Variants in MROH2B observed in about 807,000 individuals in gnomAD.
MROH2B encodes the protein maestro heat like repeat family member 2B.
In MROH2B, 177 loss-of-function variants were observed where a neutral mutation model predicts 208.6. The ratio of observed to expected loss-of-function variants is 0.85; its 90% CI spans 0.75 to 0.96. The LOEUF is 0.96. Ranked by LOEUF, MROH2B falls within the 40% of genes least tolerant of loss-of-function variation. The pLI is 0.00. For synonymous variants in MROH2B, 728 were observed against 659.0 expected, an observed-to-expected ratio of 1.10 and a Z score of -1.60; for missense variants, 2,002 against 1,878.7, an observed-to-expected ratio of 1.07 and a Z score of -1.21.
chr5:41,026,407 G>C (rs1173050881), intron 24 of MROH2B, among the ~76,000 whole-genome samples: 1 of 152,072 alleles, frequency 6.6e-6, no homozygotes, highest in East Asian at 1.9e-4. Context: ...CAAACACAGA[G>C]CCAAATCATG....
rs150953095 is a variant in MROH2B at position 41,050,304 on chromosome 5, T to C, written c.1344+673A>G. Among the ~76,000 whole-genome samples, 201 of 152,332 alleles carry C rather than the reference T, an allele frequency of 1.3e-3. 1 individual carries two copies. Among genetic ancestry groups the C allele is most frequent in the Non-Finnish European group, 2.2e-3 (149 of 68,030 alleles). On this transcript the variant is annotated intron_variant, in intron 13 of 41. Transcript: ENST00000399564. ...AGGGTTGGACCCTAGATTATTTTTT[T>C]CATCATTCACTTCTATATCAGAAGG...
In MROH2B at chr5:40,998,604, G is replaced by C. The variant is rs1332258138; in HGVS notation, c.4651+8C>G. On this transcript the variant is annotated splice_region_variant and intron_variant, in intron 41 of 41. Transcript: ENST00000399564. ...AATATGCTGGGAAGAAACTAGGTTG[G>C]TACTCACGTGTGGTCAGTTGTTCTC... 6.3e-7 allele frequency: 1 copy of C among 1,588,930 alleles called. No homozygotes were observed. The highest frequency in any genetic ancestry group is 8.6e-7 in the Non-Finnish European group (1 of 1,165,208).
chr5:41,012,351 G>A (rs1741798956), intron 30 of MROH2B, among the ~76,000 whole-genome samples: 1 of 152,174 alleles, frequency 6.6e-6, no homozygotes, highest in Admixed American at 6.6e-5. Flanking sequence ...CCTCTAGCCA[G>A]AAAGAGACAG....
Position 41,015,532 on chromosome 5 carries a change from G to A in MROH2B, c.2885-54C>T. On this transcript the variant is annotated intron_variant, in intron 28 of 41. Coordinates refer to ENST00000399564, the MANE Select transcript of MROH2B (RefSeq NM_173489.5). ...AGTGTTCAAAGACCTGATAGGGGTT[G>A]AAGAGGCTGGCTATATTTTGATATG... 3 of 1,507,594 alleles carry A rather than the reference G, an allele frequency of 2.0e-6. No homozygotes were observed. The South Asian group carries it at 3.5e-5, about 18-fold the overall frequency. 93.4% of individuals were successfully genotyped at this position (1,507,594 alleles called of 1,614,324 possible). A position where few individuals can be genotyped will look rare whatever the true frequency, so the allele number is the denominator to read the frequency against.
chr5:41,029,828 T>A (rs1742504989), intron 24 of MROH2B, among the ~76,000 whole-genome samples: 1 of 151,490 alleles, frequency 6.6e-6, no homozygotes, highest in Admixed American at 6.6e-5. Flanking sequence ...GAGTGAGGAG[T>A]AAGGGTGAAA....
In MROH2B at chr5:41,051,014, A is replaced by G; in HGVS notation, c.1307T>C (p.Leu436Ser). The G allele has an allele frequency of 6.4e-7, 1 of 1,566,968 alleles. No individual in the cohort carries two copies. Among genetic ancestry groups the G allele is most frequent in the Non-Finnish European group, 8.6e-7 (1 of 1,162,422 alleles). Residue 436 changes from leucine (L) to serine (S), a missense_variant, in exon 13 of 42, where the codon TTA becomes TCA. Physicochemically the swap from Leu to Ser is moderately radical, Grantham distance 145 (BLOSUM62 -2). Transcript: ENST00000399564. ...ESVRETSLEV[L>S]KTLDPLVIGM... ...AATGACCAGTGGGTCCAGGGTTTTTAAGACCTCAAGGCTTGTTTCTCGGAC... is the reference window on the plus strand; with the variant it reads ...AATGACCAGTGGGTCCAGGGTTTTTGAGACCTCAAGGCTTGTTTCTCGGAC...
At chr5:41,030,662 G>T (rs325823) in intron 24 of MROH2B, among the ~76,000 whole-genome samples, 12 of 151,890 alleles carry the variant, frequency 7.9e-5, no homozygotes, top group South Asian at 4.1e-4. Context: ...GCCCACATAG[G>T]GAAAGCAATA....
intron 13 of MROH2B, 56 bp from the exon 14 acceptor site, chr5:41,049,492 C>A (rs1743223576): frequency 1.3e-6 from 2 of 1,531,618 alleles, no homozygotes; most frequent in Admixed American, 2.2e-5. Context: ...TTATTTCTCC[C>A]TGGTCCTCAC....
chr5:41,070,736 G>T, intron 1 of MROH2B, 89 bp downstream of exon 1: 2 of 1,330,904 alleles, frequency 1.5e-6, no homozygotes, highest in East Asian at 2.4e-5. Flanking sequence ...ACAATGACGC[G>T]CCACTCCCAG....
intron 5 of MROH2B, 118 bp downstream of exon 5, chr5:41,064,354 G>T: frequency 2.6e-6 from 2 of 757,550 alleles, no homozygotes; most frequent in Non-Finnish European, 4.4e-6. Context: ...ATAAGTGGCA[G>T]CTATTATTAT....
At chr5:41,022,806 C>A (rs1742199948) in intron 24 of MROH2B, among the ~76,000 whole-genome samples, 1 of 152,218 alleles carries the variant, frequency 6.6e-6, no homozygotes, top group African/African-American at 2.4e-5. Flanking sequence ...TGGTGGCAGA[C>A]TGACATCTCA....
rs1040142802 is a variant in MROH2B at position 41,070,950 on chromosome 5, A to G, written c.-98T>C. The G allele has an allele frequency of 7.4e-6, 9 of 1,216,802 alleles. No individual in the cohort carries two copies. The highest frequency in any genetic ancestry group is 1.1e-5 in the Non-Finnish European group (9 of 843,190). The allele number at this position is 1,216,802 out of a possible 1,614,324, so 75.4% of individuals were successfully genotyped here. A position where few individuals can be genotyped will look rare whatever the true frequency, so the allele number is the denominator to read the frequency against. On this transcript the variant is annotated 5_prime_UTR_variant, in exon 1 of 42. Coordinates refer to ENST00000399564, the MANE Select transcript of MROH2B (RefSeq NM_173489.5). ...GGCAGGTTGGCAAGTTTCTCATATA[A>G]GGTTCACATAAGCCTCTCTAAATGA...
chr5:41,069,139 G>A lies in MROH2B; in HGVS notation c.90+552C>T, dbSNP rs999810236. On this transcript the variant is annotated intron_variant, in intron 2 of 41. Transcript: ENST00000399564. The stretch of plus-strand genomic sequence containing the variant: ...TTTTCTCAGTTATCAAATGGAAATA[G>A]CAATAACTACCTGATAAAATTGTTC... Among the ~76,000 whole-genome samples, 4 of 152,136 alleles carry A rather than the reference G, an allele frequency of 2.6e-5. No individual in the cohort carries two copies. In the South Asian group the frequency reaches 8.3e-4, roughly 31 times the overall value.
chr5:41,002,061 T>C (rs999809149), intron 37 of MROH2B, among the ~76,000 whole-genome samples: 3 of 152,196 alleles, frequency 2.0e-5, no homozygotes, highest in Admixed American at 6.5e-5. Flanking sequence ...ACACATTTTT[T>C]AGATTTATTA....
chr5:41,069,009 A>G (rs967156253), intron 2 of MROH2B, among the ~76,000 whole-genome samples: 6 of 151,954 alleles, frequency 3.9e-5, no homozygotes, highest in African/African-American at 1.5e-4. Flanking sequence ...GACAACACTG[A>G]ATAATGATTA....
At chr5:41,051,308 GA>G (rs1330563607) in intron 12 of MROH2B, among the ~76,000 whole-genome samples, 5 of 152,172 alleles carry the variant, frequency 3.3e-5, no homozygotes. Context: ...CTAAAAGAGA[GA>G]AACAGAAATT....
chr5:41,031,772 G>C (rs1742579606), intron 24 of MROH2B, among the ~76,000 whole-genome samples: 1 of 151,926 alleles, frequency 6.6e-6, no homozygotes, highest in Non-Finnish European at 1.5e-5. Flanking sequence ...AGTGTCTATT[G>C]TTTCCTTATT....
At chr5:41,055,575 C>T (rs967508238) in intron 10 of MROH2B, among the ~76,000 whole-genome samples, 167 bp downstream of exon 10, 4 of 152,010 alleles carry the variant, frequency 2.6e-5, no homozygotes, top group African/African-American at 4.8e-5. Flanking sequence ...CTAAAGATGC[C>T]TGTTGAAAGG....
At chr5:41,001,988 G>A (rs1465229827) in intron 37 of MROH2B, among the ~76,000 whole-genome samples, 3 of 152,086 alleles carry the variant, frequency 2.0e-5, no homozygotes, top group African/African-American at 7.2e-5. Flanking sequence ...AAAAATGATG[G>A]CTTGTTGGGA....
Sources: gnomAD v4.1 joint callset for allele counts (sites outside exome capture counted in the v4.1 genomes callset) on GRCh38, gnomAD v4.1.1 for gene constraint, MANE v1.5 for transcripts, NCBI Gene and HGNC (gene_info 2026-07-23, HGNC 2026-07-21) for gene names.